The following ZNF618 variants were observed in gnomAD, a reference collection of about 807,000 sequenced individuals.
ZNF618 encodes the protein zinc finger protein 618, also known as neural precursor cell expressed, developmentally down-regulated 10.
ZNF618 carries 34 observed loss-of-function variants against 103.0 expected under a neutral mutation model. That is an observed-to-expected ratio of 0.33 (90% CI 0.25 to 0.44). The LOEUF (loss-of-function observed/expected upper bound fraction) is 0.44, where lower values mean the gene tolerates loss of function less well. Ranked by LOEUF, ZNF618 falls within the 20% of genes least tolerant of loss-of-function variation. ZNF618 has a pLI of 1.00. For synonymous variants in ZNF618, 551 were observed against 542.2 expected, an observed-to-expected ratio of 1.02 and a Z score of -0.23; for missense variants, 1,059 against 1,295.4, an observed-to-expected ratio of 0.82 and a Z score of 2.80.
At chr9:113,920,306 G>C (rs1360152534) in intron 1 of ZNF618, among the ~76,000 whole-genome samples, 1 of 152,126 alleles carries the variant, frequency 6.6e-6, no homozygotes, top group Non-Finnish European at 1.5e-5. Flanking sequence ...GTGGGGAGGA[G>C]CCTGCGGGGT....
intron 12 of ZNF618, among the ~76,000 whole-genome samples, chr9:114,034,832 C>G (rs979419658): frequency 6.6e-6 from 1 of 152,194 alleles, no homozygotes; most frequent in Non-Finnish European, 1.5e-5. Context: ...GGTGCCAGAA[C>G]CTAGAAGTAG....
intron 9 of ZNF618, chr9:114,016,144 G>GA (rs1842630246): frequency 6.2e-7 from 1 of 1,613,460 alleles, no homozygotes; most frequent in African/African-American, 1.3e-5. Flanking sequence ...TTTTTAAGAA[G>GA]AAAGAAGTTA....
intron 1 of ZNF618, among the ~76,000 whole-genome samples, chr9:113,878,627 A>G (rs938573533): frequency 5.3e-5 from 8 of 152,194 alleles, no homozygotes; most frequent in African/African-American, 1.9e-4. Context: ...TTTTGAGCCT[A>G]TCCCCCAAAA....
At chr9:113,973,273 A>G (rs1201277624) in intron 2 of ZNF618, among the ~76,000 whole-genome samples, 3 of 152,138 alleles carry the variant, frequency 2.0e-5, no homozygotes, top group Admixed American at 6.5e-5. Context: ...GAGCAGAATG[A>G]CCTTGAAGGA....
chr9:113,989,315 G>T (rs1839795995), intron 3 of ZNF618, among the ~76,000 whole-genome samples: 1 of 152,206 alleles, frequency 6.6e-6, no homozygotes. Flanking sequence ...TGCTGGGTGG[G>T]GATACGGCTC....
intron 13 of ZNF618, among the ~76,000 whole-genome samples, chr9:114,047,205 A>G (rs963802528): frequency 1.3e-5 from 2 of 152,228 alleles, no homozygotes; most frequent in Admixed American, 6.5e-5. Context: ...CATATGTGCA[A>G]TTAACAAAAA....
At chr9:113,969,892 G>A (rs967091446) in intron 2 of ZNF618, among the ~76,000 whole-genome samples, 7 of 152,266 alleles carry the variant, frequency 4.6e-5, no homozygotes, top group African/African-American at 1.4e-4. Context: ...CAAGAGAGAT[G>A]GCTCCCCTGA....
At chr9:113,927,338 C>T (rs1218424443) in intron 1 of ZNF618, among the ~76,000 whole-genome samples, 1 of 152,190 alleles carries the variant, frequency 6.6e-6, no homozygotes, top group Non-Finnish European at 1.5e-5. Flanking sequence ...AAAATTTCCT[C>T]TCTGGTCCTT....
intron 1 of ZNF618, among the ~76,000 whole-genome samples, chr9:113,919,079 G>A (rs1028446649): frequency 6.6e-6 from 1 of 152,144 alleles, no homozygotes; most frequent in African/African-American, 2.4e-5. Context: ...GTCCCTTTCA[G>A]CTTGTTTTCA....
intron 1 of ZNF618, among the ~76,000 whole-genome samples, chr9:113,928,964 T>C (rs1833337203): frequency 6.6e-6 from 1 of 152,216 alleles, no homozygotes; most frequent in East Asian, 1.9e-4. Context: ...CAGATAAGTC[T>C]GTGGTAAGGT....
chr9:113,907,266 C>A (rs1031408055), intron 1 of ZNF618, among the ~76,000 whole-genome samples: 1 of 152,232 alleles, frequency 6.6e-6, no homozygotes, highest in African/African-American at 2.4e-5. Context: ...TAGTTCTGTA[C>A]TGTAAGATGG....
chr9:114,007,102 A>G (rs1391947763), intron 6 of ZNF618, among the ~76,000 whole-genome samples: 1 of 152,216 alleles, frequency 6.6e-6, no homozygotes, highest in African/African-American at 2.4e-5. Flanking sequence ...GGGCATGAGC[A>G]TCAAGAGGCA....
chr9:113,876,765 C>T (rs971671694), intron 1 of ZNF618, among the ~76,000 whole-genome samples: 1 of 150,988 alleles, frequency 6.6e-6, no homozygotes. Context: ...CCAGCTCTGC[C>T]CCCTCCCCCC....
At chr9:114,025,383 C>G (rs1843403932) in intron 10 of ZNF618, among the ~76,000 whole-genome samples, 4 of 152,360 alleles carry the variant, frequency 2.6e-5, no homozygotes, top group Middle Eastern at 3.4e-3. Context: ...TTTCTTTGCT[C>G]CATGCATTCT....
chr9:114,017,867 T>C (rs1247165931), intron 10 of ZNF618, among the ~76,000 whole-genome samples: 1 of 151,992 alleles, frequency 6.6e-6, no homozygotes, highest in Non-Finnish European at 1.5e-5. Flanking sequence ...TGGAGGGTGG[T>C]GTAGGTAGCT....
chr9:113,988,278 A>T (rs533541438), intron 2 of ZNF618, 43 bp from the exon 3 acceptor site: 19 of 1,576,828 alleles, frequency 1.2e-5, no homozygotes, highest in Non-Finnish European at 1.5e-5. Flanking sequence ...TCCTGTGTTG[A>T]TCTGGAGGAA....
intron 9 of ZNF618, among the ~76,000 whole-genome samples, chr9:114,013,044 A>T (rs906069951): frequency 6.6e-6 from 1 of 152,174 alleles, no homozygotes; most frequent in African/African-American, 2.4e-5. Context: ...GGTTACCTAT[A>T]CATGAATTCA....
chr9:114,002,144 C>T lies in ZNF618; in HGVS notation c.511+71C>T, dbSNP rs7849312. On this transcript the variant is annotated intron_variant, in intron 5 of 14. Transcript: ENST00000374126. ...ACTGTCTGCCTGTTTCCCACTTGGG[C>T]CCCTCGTGGGTGACCCCAGAGGCCC... is the stretch of plus-strand genomic sequence containing the variant. 809 of 1,444,502 alleles carry T rather than the reference C, an allele frequency of 5.6e-4. 5 individuals carry two copies. In the African/African-American group the frequency reaches 0.01, roughly 18 times the overall value. The allele number at this position is 1,444,502 out of a possible 1,614,324, so 89.5% of individuals were successfully genotyped here.
intron 13 of ZNF618, among the ~76,000 whole-genome samples, chr9:114,043,354 A>G (rs12555049): frequency 0.086 from 13,050 of 152,292 alleles, 648 homozygotes; most frequent in African/African-American, 0.12. Flanking sequence ...CCAACAGTGT[A>G]TGAGGATTCT....
Sources: allele counts gnomAD v4.1 joint callset (sites outside exome capture counted in the v4.1 genomes callset), GRCh38; gene constraint gnomAD v4.1.1; transcripts MANE v1.5; gene names NCBI Gene and HGNC (gene_info 2026-07-23, HGNC 2026-07-21).